The following PKIB variants were observed in gnomAD, a reference collection of about 807,000 sequenced individuals.
PKIB encodes the protein cAMP-dependent protein kinase inhibitor beta.
PKIB carries 2 observed loss-of-function variants against 4.5 expected under a neutral mutation model. The observed-to-expected ratio is 0.44, with a 90% CI of 0.18 to 1.39. The LOEUF is 1.39. Ranked by LOEUF, PKIB falls within the 40% of genes most tolerant of loss-of-function variation. The pLI is 0.27. For synonymous variants in PKIB, 38 were observed against 36.0 expected, an observed-to-expected ratio of 1.06 and a Z score of -0.20; for missense variants, 94 against 92.6, an observed-to-expected ratio of 1.02 and a Z score of -0.06.
intron 2 of PKIB, among the ~76,000 whole-genome samples, chr6:122,651,010 T>A (rs1327816365): frequency 6.6e-6 from 1 of 152,180 alleles, no homozygotes; most frequent in Non-Finnish European, 1.5e-5. Flanking sequence ...CTCTGCTTAG[T>A]GGGATGATAT....
intron 2 of PKIB, among the ~76,000 whole-genome samples, chr6:122,662,663 C>A (rs1276774744): frequency 1.3e-5 from 2 of 152,086 alleles, no homozygotes; most frequent in African/African-American, 2.4e-5. Context: ...GGAGTAATAT[C>A]TTTTCCATGA....
chr6:122,667,381 C>G (rs1311621492), intron 2 of PKIB, among the ~76,000 whole-genome samples: 10 of 151,818 alleles, frequency 6.6e-5, no homozygotes, highest in Admixed American at 6.6e-4. Flanking sequence ...ACCAAAAATA[C>G]AAAAAATTAG....
intron 3 of PKIB, among the ~76,000 whole-genome samples, chr6:122,710,556 C>A (rs1174002866): frequency 6.6e-6 from 1 of 152,122 alleles, no homozygotes; most frequent in Admixed American, 6.6e-5. Context: ...TGAGGGCAGC[C>A]CTTCTCTGAA....
At chr6:122,686,712 C>G (rs754000738) in intron 3 of PKIB, among the ~76,000 whole-genome samples, 1 of 152,034 alleles carries the variant, frequency 6.6e-6, no homozygotes, top group Non-Finnish European at 1.5e-5. Context: ...GTCTTTTGAA[C>G]TCCTGTGCAG....
chr6:122,539,718 C>T (rs563206712), intron 2 of PKIB, among the ~76,000 whole-genome samples: 1,835 of 152,032 alleles, frequency 0.012, 59 homozygotes, highest in African/African-American at 0.043. Flanking sequence ...GGAGGATTCC[C>T]TCTTTTTCTA....
chr6:122,562,009 T>TG (rs969434242), intron 2 of PKIB, among the ~76,000 whole-genome samples: 8 of 144,880 alleles, frequency 5.5e-5, no homozygotes, highest in African/African-American at 1.8e-4. Flanking sequence ...TTTTTGTTTT[T>TG]TTTTTTTTTT....
chr6:122,549,858 G>T (rs1031352583), intron 2 of PKIB, among the ~76,000 whole-genome samples: 1 of 146,082 alleles, frequency 6.8e-6, no homozygotes, highest in South Asian at 2.1e-4. Context: ...ACACATATAT[G>T]TATATGTATA....
At chr6:122,576,254 C>A (rs1185771171) in intron 2 of PKIB, among the ~76,000 whole-genome samples, 2 of 151,836 alleles carry the variant, frequency 1.3e-5, no homozygotes, top group Non-Finnish European at 2.9e-5. Context: ...AATCCCAGAA[C>A]TTTGGGAGGC....
chr6:122,672,543 A>G (rs1777509434), intron 2 of PKIB, among the ~76,000 whole-genome samples: 1 of 152,092 alleles, frequency 6.6e-6, no homozygotes, highest in South Asian at 2.1e-4. Flanking sequence ...CATGTATATC[A>G]CCAAGTTTTC....
intron 2 of PKIB, chr6:122,484,145 C>T (rs1315391399): frequency 6.8e-6 from 1 of 147,008 alleles, no homozygotes; most frequent in African/African-American, 2.5e-5. Context: ...ATATTTTCCG[C>T]ACAACACTCT....
At chr6:122,649,635 G>A (rs948778930) in intron 2 of PKIB, among the ~76,000 whole-genome samples, 15 of 152,176 alleles carry the variant, frequency 9.9e-5, no homozygotes, top group Non-Finnish European at 1.9e-4. Context: ...GGGTGTGGCT[G>A]TACATACCCA....
At chr6:122,708,874 C>T (rs1040221031) in intron 3 of PKIB, among the ~76,000 whole-genome samples, 5 of 152,136 alleles carry the variant, frequency 3.3e-5, no homozygotes, top group African/African-American at 1.2e-4. Flanking sequence ...CTCAGGTGAT[C>T]TGCCTGCCTC....
chr6:122,645,314 GTTT>G, intron 2 of PKIB, among the ~76,000 whole-genome samples: 1 of 152,154 alleles, frequency 6.6e-6, no homozygotes, highest in Non-Finnish European at 1.5e-5. Context: ...GGGTTAGTTT[GTTT>G]TTTAATGACG....
chr6:122,647,106 G>A (rs1776351482), intron 2 of PKIB, among the ~76,000 whole-genome samples: 1 of 152,108 alleles, frequency 6.6e-6, no homozygotes, highest in African/African-American at 2.4e-5. Context: ...TTATTGTGAG[G>A]AATGGGCTTA....
intron 2 of PKIB, among the ~76,000 whole-genome samples, chr6:122,553,503 T>TTTTTTC (rs1491110198): frequency 7.6e-6 from 1 of 130,852 alleles, no homozygotes; most frequent in African/African-American, 2.7e-5. Context: ...TTTTTTTTTT[T>TTTTTTC]CTGAAAAAGG....
chr6:122,540,365 A>T (rs1777555664), intron 2 of PKIB, among the ~76,000 whole-genome samples: 1 of 151,740 alleles, frequency 6.6e-6, no homozygotes, highest in Non-Finnish European at 1.5e-5. Context: ...TGTCCCAGAG[A>T]TTCTGGTATG....
intron 1 of PKIB, among the ~76,000 whole-genome samples, chr6:122,624,465 G>T (rs1775355076): frequency 6.6e-6 from 1 of 152,132 alleles, no homozygotes; most frequent in Non-Finnish European, 1.5e-5. Flanking sequence ...TAAAGGAAGA[G>T]GAAATCCTTA....
At chr6:122,708,117 G>C (rs4946627) in intron 3 of PKIB, among the ~76,000 whole-genome samples, 22,275 of 152,108 alleles carry the variant, frequency 0.15, 2,185 homozygotes, top group South Asian at 0.35. Flanking sequence ...CTAGTGAAGG[G>C]AGACAGACAA....
chr6:122,532,929 A>G (rs1283388873), intron 2 of PKIB, among the ~76,000 whole-genome samples: 1 of 152,150 alleles, frequency 6.6e-6, no homozygotes, highest in Non-Finnish European at 1.5e-5. Context: ...CATATCTCTA[A>G]TGACTAGTGA....
Sources: allele counts gnomAD v4.1 joint callset (sites outside exome capture counted in the v4.1 genomes callset), GRCh38; gene constraint gnomAD v4.1.1; transcripts MANE v1.5; gene names NCBI Gene and HGNC (gene_info 2026-07-23, HGNC 2026-07-21).